ASCC2: variants seen among roughly 807,000 people sequenced by gnomAD.
The protein encoded by ASCC2 is activating signal cointegrator 1 complex subunit 2, also known as ASC-1 complex subunit P100.
A neutral mutation model predicts 93.5 loss-of-function variants in ASCC2; 42 were observed. That is an observed-to-expected ratio of 0.45 (90% CI 0.35 to 0.58). The LOEUF is 0.58. Ranked by LOEUF, ASCC2 falls within the 20% of genes least tolerant of loss-of-function variation. The probability of loss-of-function intolerance (pLI) is 0.00; values close to 1 mark genes in which losing one functional copy is unlikely to be tolerated. For missense variants in ASCC2, 859 were observed against 977.6 expected (o/e 0.88, Z 1.62); for synonymous variants, 364 against 384.2 (o/e 0.95, Z 0.62).
intron 12 of ASCC2, 89 bp downstream of exon 12, chr22:29,806,127 C>T: frequency 6.9e-7 from 1 of 1,442,230 alleles, no homozygotes; most frequent in Non-Finnish European, 9.7e-7. Context: ...GGCTAAACCT[C>T]TTTCCACTCC....
At chr22:29,821,965 C>T (rs2148150320) in intron 5 of ASCC2, 3 of 449,000 alleles carry the variant, frequency 6.7e-6, no homozygotes, top group South Asian at 4.7e-5. Flanking sequence ...CGCCACTGCA[C>T]TCTTGCCTGA....
At chr22:29,827,011 C>T (rs1021558359) in intron 2 of ASCC2, among the ~76,000 whole-genome samples, 5 of 147,652 alleles carry the variant, frequency 3.4e-5, no homozygotes, top group African/African-American at 1.3e-4. Flanking sequence ...GGCAGAAGAA[C>T]GGCGTGAACC....
chr22:29,822,441 C>T lies in ASCC2; in HGVS notation c.435G>A (p.Ala145=), dbSNP rs577903748. Residue 145 remains alanine, a synonymous_variant, in exon 5 of 20, where the codon GCG becomes GCA. Coordinates refer to ENST00000307790, the MANE Select transcript of ASCC2 (RefSeq NM_032204.5). Reference sequence around the variant, plus strand: ...AGTTATTGTAGAGGATTTCTCCAAACGCAGAAGGGGAAATGAAGTGATCCT... The same window carrying T: ...AGTTATTGTAGAGGATTTCTCCAAATGCAGAAGGGGAAATGAAGTGATCCT... ...ESKDHFISPS[A]FGEILYNNFL... The T allele has an allele frequency of 1.2e-5, 20 of 1,613,778 alleles. No homozygotes were observed. The highest frequency in any genetic ancestry group is 5.3e-5 in the African/African-American group (4 of 74,942).
At chr22:29,818,276 G>A (rs1479403103) in intron 5 of ASCC2, among the ~76,000 whole-genome samples, 2 of 152,060 alleles carry the variant, frequency 1.3e-5, no homozygotes, top group Admixed American at 1.3e-4. Context: ...TCTGCTCAAA[G>A]GTTAAAAAGA....
intron 19 of ASCC2, 135 bp downstream of exon 19, chr22:29,790,334 A>T: frequency 1.2e-6 from 1 of 818,326 alleles, no homozygotes; most frequent in Non-Finnish European, 1.9e-6. Flanking sequence ...AATGGTAGCT[A>T]CTTCACTGGG....
At chr22:29,803,209 C>T (rs2059300453) in intron 13 of ASCC2, among the ~76,000 whole-genome samples, 1 of 150,188 alleles carries the variant, frequency 6.7e-6, no homozygotes, top group South Asian at 2.1e-4. Context: ...AGAGATCGCA[C>T]TATTGCACTC....
rs1033999295 is a variant in ASCC2 at position 29,801,397 on chromosome 22, C to T, written c.1569-287G>A. On this transcript the variant is annotated intron_variant, in intron 14 of 19. Coordinates refer to ENST00000307790, the MANE Select transcript of ASCC2 (RefSeq NM_032204.5). ...AAAGCGCTATCCCACATTTAATGCTCGTAATAGTCGCATAAGATCAGTAGT... is the reference window on the plus strand; with the variant it reads ...AAAGCGCTATCCCACATTTAATGCTTGTAATAGTCGCATAAGATCAGTAGT... 3.3e-5 allele frequency among the ~76,000 whole-genome samples: 5 copies of T among 152,192 alleles called. 1 individual carries two copies. The highest frequency in any genetic ancestry group is 2.0e-4 in the Admixed American group (3 of 15,286).
intron 2 of ASCC2, among the ~76,000 whole-genome samples, chr22:29,827,097 C>CAAAAAAAA (rs58520896): frequency 7.0e-5 from 4 of 57,208 alleles, no homozygotes; most frequent in African/African-American, 2.3e-4. Flanking sequence ...GACTCCATCT[C>CAAAAAAAA]AAAAAAAAAA....
intron 8 of ASCC2, 113 bp from the exon 9 acceptor site, chr22:29,808,298 T>C: frequency 9.0e-7 from 1 of 1,108,478 alleles, no homozygotes; most frequent in Admixed American, 2.2e-5. Context: ...TTCCACACAA[T>C]TTTCTCCAGG....
Position 29,814,757 on chromosome 22 carries a change from T to C in ASCC2, c.620A>G (p.Asn207Ser), listed in dbSNP as rs1602046772. 1.2e-6 allele frequency: 2 copies of C among 1,610,828 alleles called. No individual in the cohort carries two copies. The highest frequency in any genetic ancestry group is 2.7e-5 in the African/African-American group (2 of 74,824). The change falls in exon 7 of 20, where the codon AAT (asparagine) becomes AGT (serine). Residue 207 changes from asparagine to serine, a missense_variant. Physicochemically the swap from Asn to Ser is conservative, Grantham distance 46. Coordinates refer to ENST00000307790, the MANE Select transcript of ASCC2 (RefSeq NM_032204.5). ...TLPTILQVFSNILQHCGLQGD... is the reference protein window; with the variant it reads ...TLPTILQVFSSILQHCGLQGD... ...TTGCAAACCACAGTGCTGGAGGATA[T>C]TGCTGAAGACCTGTGAAAGACAAGA... is the stretch of plus-strand genomic sequence containing the variant.
At chr22:29,824,582 T>G (rs992269455) in intron 4 of ASCC2, among the ~76,000 whole-genome samples, 1 of 152,034 alleles carries the variant, frequency 6.6e-6, no homozygotes, top group Non-Finnish European at 1.5e-5. Flanking sequence ...GCCACTGCAC[T>G]CCAGCCTGGG....
intron 2 of ASCC2, among the ~76,000 whole-genome samples, chr22:29,826,402 T>C (rs1486185587): frequency 2.0e-5 from 3 of 152,038 alleles, no homozygotes; most frequent in Non-Finnish European, 4.4e-5. Context: ...CGGCAGCCTC[T>C]ACCTCCTGGG....
chr22:29,805,896 ACT>A (rs2059618083), intron 12 of ASCC2, among the ~76,000 whole-genome samples: 1 of 150,066 alleles, frequency 6.7e-6, no homozygotes, highest in South Asian at 2.1e-4. Context: ...CCCACGTGAC[ACT>A]CTATCTAACT....
intron 1 of ASCC2, among the ~76,000 whole-genome samples, chr22:29,833,923 C>T (rs2063465480): frequency 6.7e-6 from 1 of 150,096 alleles, no homozygotes; most frequent in South Asian, 2.1e-4. Context: ...CACCATGTTG[C>T]CCAGGCTGGT....
At chr22:29,824,351 AT>A (rs1349710175) in intron 4 of ASCC2, among the ~76,000 whole-genome samples, 2 of 151,926 alleles carry the variant, frequency 1.3e-5, no homozygotes, top group African/African-American at 4.8e-5. Flanking sequence ...GTAGTGGCTC[AT>A]GCCTGTAATT....
At chr22:29,834,159 C>T (rs2063490757) in intron 1 of ASCC2, 1 of 168,240 alleles carries the variant, frequency 5.9e-6, no homozygotes, top group Non-Finnish European at 1.3e-5. Flanking sequence ...GAAACTTGCC[C>T]AAGGTCTCAC....
intron 4 of ASCC2, among the ~76,000 whole-genome samples, chr22:29,823,487 T>C (rs1776245264): frequency 6.6e-6 from 1 of 152,170 alleles, no homozygotes; most frequent in South Asian, 2.1e-4. Flanking sequence ...AGAGATAAAA[T>C]GAGATTGGCG....
chr22:29,824,554 G>A (rs1026447706), intron 4 of ASCC2, among the ~76,000 whole-genome samples: 3 of 152,012 alleles, frequency 2.0e-5, no homozygotes, highest in African/African-American at 7.3e-5. Context: ...GACTGAAGCT[G>A]CAATGAGCTA....
At chr22:29,815,929 C>T (rs1330431428) in intron 6 of ASCC2, 77 bp downstream of exon 6, 3 of 1,272,116 alleles carry the variant, frequency 2.4e-6, no homozygotes, top group East Asian at 2.5e-5. Context: ...CCAGGAAAGT[C>T]AGGCAACACC....
Sources: gnomAD v4.1 joint callset for allele counts (sites outside exome capture counted in the v4.1 genomes callset) on GRCh38, gnomAD v4.1.1 for gene constraint, MANE v1.5 for transcripts, NCBI Gene and HGNC (gene_info 2026-07-23, HGNC 2026-07-21) for gene names.